The following GPT2 variants were observed in gnomAD, a reference collection of about 807,000 sequenced individuals.
GPT2 encodes the protein glutamic--pyruvic transaminase 2.
In GPT2, 30 loss-of-function variants were observed where a neutral mutation model predicts 56.9. That is an observed-to-expected ratio of 0.53 (90% confidence interval 0.39 to 0.72). The LOEUF (loss-of-function observed/expected upper bound fraction) is 0.72. Among genes scored for constraint, GPT2 ranks in the 30% least tolerant of loss-of-function variants. The probability of loss-of-function intolerance (pLI) is 0.00; values close to 1 mark genes in which losing one functional copy is unlikely to be tolerated. For synonymous variants in GPT2, 271 were observed against 283.1 expected, an observed-to-expected ratio of 0.96 and a Z score of 0.43; for missense variants, 542 against 703.4, an observed-to-expected ratio of 0.77 and a Z score of 2.60.
Position 46,930,664 on chromosome 16 carries a change from AAAAGGTT to A in GPT2, c.*1671_*1677del, listed in dbSNP as rs1378219949. On this transcript the variant is annotated 3_prime_UTR_variant, in exon 12 of 12. Coordinates refer to ENST00000340124, the MANE Select transcript of GPT2 (RefSeq NM_133443.4). The stretch of plus-strand genomic sequence containing the variant: ...TCCCAGGGTCGTGAGGTTTCTGGTG[AAAAGGTT>A]AAATCGTAGAAGCTAGTATATTTTT... 1 of 152,620 alleles carries A rather than the reference AAAAGGTT, an allele frequency of 6.6e-6. No homozygotes were observed. Among genetic ancestry groups the A allele is most frequent in the African/African-American group, 2.4e-5 (1 of 41,460 alleles). 9.5% of individuals were successfully genotyped at this position (152,620 alleles called of 1,614,324 possible).
intron 4 of GPT2, among the ~76,000 whole-genome samples, chr16:46,905,868 C>A (rs1166831489): frequency 1.3e-5 from 2 of 152,128 alleles, no homozygotes; most frequent in Non-Finnish European, 2.9e-5. Flanking sequence ...GAGCAGTTAA[C>A]CACTGCTCAG....
At chr16:46,916,413 A>G in intron 6 of GPT2, 1 of 530,968 alleles carries the variant, frequency 1.9e-6, no homozygotes, top group Non-Finnish European at 3.4e-6. Flanking sequence ...TAACTGGCTG[A>G]GGAGAGTCAG....
rs1961429097 is a variant in GPT2 at position 46,926,979 on chromosome 16, G to A, written c.1423G>A (p.Gly475Ser). The A allele has an allele frequency of 1.9e-6, 3 of 1,609,780 alleles. No individual in the cohort carries two copies. Among genetic ancestry groups the A allele is most frequent in the African/African-American group, 1.3e-5 (1 of 74,694 alleles). ...CTGCATGAAGCTCCTGGAGGAGACT[G>A]GCATCTGTGTCGTGCCCGGCAGTGG... ...FYCMKLLEET[G>S]ICVVPGSGFG... Residue 475 changes from glycine to serine, a missense_variant, in exon 11 of 12, where the codon GGC (glycine) becomes AGC (serine). Gly to Ser is a moderately conservative substitution (Grantham distance 56, BLOSUM62 0). Transcript: ENST00000340124.
At chr16:46,926,793 C>T (rs1386339774) in intron 10 of GPT2, 132 bp from the exon 11 acceptor site, 2 of 525,826 alleles carry the variant, frequency 3.8e-6, no homozygotes, top group Non-Finnish European at 3.2e-6. Context: ...GGCCCTGGTC[C>T]TCTAGGAGCG....
chr16:46,923,076 C>CT (rs2143552547), intron 9 of GPT2, among the ~76,000 whole-genome samples: 1 of 152,284 alleles, frequency 6.6e-6, no homozygotes, highest in South Asian at 2.1e-4. Context: ...CTGTTACCCA[C>CT]TAACACCCTA....
intron 8 of GPT2, among the ~76,000 whole-genome samples, chr16:46,920,751 C>G (rs1271561161): frequency 6.6e-6 from 1 of 152,108 alleles, no homozygotes; most frequent in Non-Finnish European, 1.5e-5. Context: ...TCTGGTCTAC[C>G]CTGTAGCAGT....
chr16:46,916,851 A>G (rs1481190387), intron 7 of GPT2, 144 bp downstream of exon 7: 1 of 655,032 alleles, frequency 1.5e-6, no homozygotes, highest in African/African-American at 1.8e-5. Context: ...ATTTAGTTTT[A>G]CAACTTGTGG....
At chr16:46,885,401 TG>T (rs1182209896) in intron 2 of GPT2, 93 of 237,994 alleles carry the variant, frequency 3.9e-4, no homozygotes, top group South Asian at 5.5e-4. Context: ...GGAGACGGGG[TG>T]GGGGGGGCTC....
intron 2 of GPT2, among the ~76,000 whole-genome samples, chr16:46,887,706 T>C (rs1960511271): frequency 6.6e-6 from 1 of 152,184 alleles, no homozygotes; most frequent in African/African-American, 2.4e-5. Context: ...GCCTTCATGC[T>C]GTCTATGGAA....
chr16:46,924,156 C>T (rs1961351502), intron 9 of GPT2: 1 of 579,526 alleles, frequency 1.7e-6, no homozygotes, highest in Admixed American at 2.2e-5. Context: ...TGTCTGATAC[C>T]CCAGTGTCGA....
chr16:46,910,380 CAAAA>C (rs4039999), intron 6 of GPT2, among the ~76,000 whole-genome samples: 5 of 46,476 alleles, frequency 1.1e-4, no homozygotes, highest in South Asian at 1.7e-3. Flanking sequence ...GACTCTGTCT[CAAAA>C]AAAAAAAAAA....
chr16:46,888,557 C>T (rs1316292432), intron 2 of GPT2, among the ~76,000 whole-genome samples: 1 of 152,144 alleles, frequency 6.6e-6, no homozygotes, highest in Middle Eastern at 3.2e-3. Flanking sequence ...CTGTGTTGGC[C>T]AGGCTGGTCT....
chr16:46,929,240 G>A lies in GPT2; in HGVS notation c.*243G>A, dbSNP rs1961481552. On this transcript the variant is annotated 3_prime_UTR_variant, in exon 12 of 12. Transcript: ENST00000340124. ...GGACCTGCTCAGCAGGTGTGACCAGGGTTCTCTGAATCTGTTATTGTTTTT... is the reference window on the plus strand; with the variant it reads ...GGACCTGCTCAGCAGGTGTGACCAGAGTTCTCTGAATCTGTTATTGTTTTT... The A allele has an allele frequency of 4.1e-6, 2 of 490,874 alleles. No homozygotes were observed. Among genetic ancestry groups the A allele is most frequent in the Non-Finnish European group, 7.4e-6 (2 of 270,450 alleles). The allele number at this position is 490,874 out of a possible 1,614,324, so 30.4% of individuals were successfully genotyped here.
intron 6 of GPT2, among the ~76,000 whole-genome samples, chr16:46,914,867 G>A (rs924878291): frequency 2.0e-5 from 3 of 152,086 alleles, no homozygotes; most frequent in African/African-American, 7.2e-5. Flanking sequence ...GTGCAGTAAT[G>A]GGGGGGAGGG....
intron 7 of GPT2, among the ~76,000 whole-genome samples, chr16:46,917,898 T>C (rs1481216414): frequency 6.6e-6 from 1 of 152,150 alleles, no homozygotes; most frequent in Non-Finnish European, 1.5e-5. Flanking sequence ...CAACCTGGTA[T>C]ACAGAACTTC....
At chr16:46,885,246 C>G in intron 2 of GPT2, 3 of 1,182,218 alleles carry the variant, frequency 2.5e-6, no homozygotes, top group South Asian at 3.9e-5. Context: ...GCCCTACTCT[C>G]GTGGAACCAA....
At chr16:46,916,520 G>A in intron 6 of GPT2, 108 bp from the exon 7 acceptor site, 1 of 829,506 alleles carries the variant, frequency 1.2e-6, no homozygotes, top group Non-Finnish European at 2.1e-6. Context: ...GTGTTCTATG[G>A]GTCTCAAGGG....
At chr16:46,917,940 G>A (rs1321682089) in intron 7 of GPT2, among the ~76,000 whole-genome samples, 1 of 152,122 alleles carries the variant, frequency 6.6e-6, no homozygotes, top group Admixed American at 6.6e-5. Context: ...GGACGAGGAG[G>A]ACAGGGCCTG....
At chr16:46,897,788 G>A (rs1464274135) in intron 3 of GPT2, 51 bp downstream of exon 3, 1 of 1,562,104 alleles carries the variant, frequency 6.4e-7, no homozygotes, top group Non-Finnish European at 8.8e-7. Flanking sequence ...CCCTGGGCTG[G>A]GCGGGCCGTC....
Sources: allele counts gnomAD v4.1 joint callset (sites outside exome capture counted in the v4.1 genomes callset), GRCh38; gene constraint gnomAD v4.1.1; transcripts MANE v1.5; gene names NCBI Gene and HGNC (gene_info 2026-07-23, HGNC 2026-07-21).